The following AUTS2 variants were observed in gnomAD, a reference collection of about 807,000 sequenced individuals.
The protein encoded by AUTS2 is activator of transcription and developmental regulator AUTS2.
Under a neutral mutation model 112.4 loss-of-function variants are expected in AUTS2, and 17 were observed. The ratio of observed to expected loss-of-function variants is 0.15; its 90% CI spans 0.10 to 0.23. AUTS2 has a LOEUF of 0.23. Ranked by LOEUF, AUTS2 falls within the 10% of genes least tolerant of loss-of-function variation. The pLI, the probability that AUTS2 is intolerant of heterozygous loss-of-function variation, is 1.00. For missense variants in AUTS2, 1,510 were observed against 1,701.6 expected, an observed-to-expected ratio of 0.89 and a Z score of 1.98; for synonymous variants, 751 against 702.7, an observed-to-expected ratio of 1.07 and a Z score of -1.09.
intron 4 of AUTS2, among the ~76,000 whole-genome samples, chr7:70,348,660 A>T (rs1471595890): frequency 3.3e-5 from 5 of 152,046 alleles, no homozygotes; most frequent in Non-Finnish European, 1.5e-5. Flanking sequence ...AAAAAAAAAA[A>T]TTAGCCAGGC....
At chr7:69,959,208 C>A (rs1303289106) in intron 2 of AUTS2, among the ~76,000 whole-genome samples, 1 of 152,002 alleles carries the variant, frequency 6.6e-6, no homozygotes, top group African/African-American at 2.4e-5. Context: ...TTTCAAAACT[C>A]TCGTATTGTT....
intron 1 of AUTS2, among the ~76,000 whole-genome samples, chr7:69,636,269 C>T (rs927208975): frequency 1.3e-5 from 2 of 152,362 alleles, no homozygotes; most frequent in African/African-American, 2.4e-5. Context: ...CTCAATCTGT[C>T]GCCCAGGCTG....
intron 5 of AUTS2, among the ~76,000 whole-genome samples, chr7:70,541,144 C>G (rs1375898805): frequency 6.6e-6 from 1 of 152,310 alleles, no homozygotes; most frequent in Admixed American, 6.5e-5. Flanking sequence ...AGCTTTCCTT[C>G]TCTAGGCCTG....
chr7:69,616,781 G>A (rs535774709), intron 1 of AUTS2, among the ~76,000 whole-genome samples: 22 of 152,248 alleles, frequency 1.4e-4, no homozygotes, highest in South Asian at 1.0e-3. Context: ...CTCAGGGTAC[G>A]CTGAGTCATT....
intron 1 of AUTS2, among the ~76,000 whole-genome samples, chr7:69,866,842 C>T (rs1480976608): frequency 6.6e-6 from 1 of 152,204 alleles, no homozygotes; most frequent in African/African-American, 2.4e-5. Flanking sequence ...GTGGTTTGCC[C>T]AGCAACACCT....
At chr7:69,742,655 T>C (rs1787318125) in intron 1 of AUTS2, among the ~76,000 whole-genome samples, 1 of 152,216 alleles carries the variant, frequency 6.6e-6, no homozygotes, top group Non-Finnish European at 1.5e-5. Flanking sequence ...GTTCTATCAC[T>C]CGCTAGTTGT....
intron 2 of AUTS2, among the ~76,000 whole-genome samples, chr7:69,978,057 A>G (rs1253104990): frequency 6.6e-6 from 1 of 152,188 alleles, no homozygotes; most frequent in Non-Finnish European, 1.5e-5. Flanking sequence ...CAGTGGTTAA[A>G]TAACATAATG....
At chr7:70,118,025 G>C in intron 2 of AUTS2, 107 bp from the exon 3 acceptor site, 1 of 1,347,582 alleles carries the variant, frequency 7.4e-7, no homozygotes, top group Non-Finnish European at 9.7e-7. Context: ...TGGGATTACA[G>C]GCGTGAGCCA....
At chr7:70,707,480 A>G (rs1454783676) in intron 6 of AUTS2, among the ~76,000 whole-genome samples, 1 of 152,116 alleles carries the variant, frequency 6.6e-6, no homozygotes, top group Non-Finnish European at 1.5e-5. Flanking sequence ...AGAAAGGAGG[A>G]GGATCTCTGT....
At chr7:70,532,948 C>T (rs11971835) in intron 5 of AUTS2, among the ~76,000 whole-genome samples, 1 of 152,142 alleles carries the variant, frequency 6.6e-6, no homozygotes, top group South Asian at 2.1e-4. Flanking sequence ...TTTGCTTCCA[C>T]TCCTGAAAGG....
At chr7:70,320,128 T>C (rs1790184269) in intron 4 of AUTS2, among the ~76,000 whole-genome samples, 2 of 152,228 alleles carry the variant, frequency 1.3e-5, no homozygotes, top group Admixed American at 6.5e-5. Flanking sequence ...TTAAGAACTA[T>C]AATATATGCA....
At chr7:70,714,672 G>A (rs1439776523) in intron 6 of AUTS2, among the ~76,000 whole-genome samples, 1 of 152,208 alleles carries the variant, frequency 6.6e-6, no homozygotes, top group Non-Finnish European at 1.5e-5. Flanking sequence ...CAGGTCAGCT[G>A]TCCTGAAGAC....
chr7:70,788,994 C>T (rs535067456), intron 18 of AUTS2, among the ~76,000 whole-genome samples: 63 of 152,370 alleles, frequency 4.1e-4, no homozygotes, highest in African/African-American at 1.5e-3. Flanking sequence ...TTTTCACTCA[C>T]AGCTGCTCTC....
intron 4 of AUTS2, among the ~76,000 whole-genome samples, chr7:70,310,711 CTTAG>C (rs903813540): frequency 2.6e-5 from 4 of 152,154 alleles, no homozygotes; most frequent in African/African-American, 9.6e-5. Context: ...TGACTTCTCC[CTTAG>C]TTCTCAGTCT....
At chr7:69,799,934 G>A (rs1790010720) in intron 1 of AUTS2, among the ~76,000 whole-genome samples, 1 of 151,922 alleles carries the variant, frequency 6.6e-6, no homozygotes, top group African/African-American at 2.4e-5. Flanking sequence ...CCCTATAAAT[G>A]ACATTATTTT....
In AUTS2 at chr7:70,715,677, G is replaced by A. The variant is rs148030683; in HGVS notation, c.742+17057G>A. 5.3e-3 allele frequency among the ~76,000 whole-genome samples: 813 copies of A among 152,016 alleles called. 8 individuals carry two copies. Among genetic ancestry groups the A allele is most frequent in the African/African-American group, 0.018 (753 of 41,446 alleles). ...CTCCCAAGTAGCTGGGATTACAGGC[G>A]CATGCCACCACACCCAGCTAATTTT... On this transcript the variant is annotated intron_variant, in intron 6 of 18. Transcript: ENST00000342771.
At chr7:69,896,754 A>C (rs926419328) in intron 1 of AUTS2, among the ~76,000 whole-genome samples, 1 of 152,184 alleles carries the variant, frequency 6.6e-6, no homozygotes, top group African/African-American at 2.4e-5. Flanking sequence ...GATTACTGAG[A>C]TGAACTACTT....
At chr7:69,937,721 C>T (rs1299989141) in intron 2 of AUTS2, among the ~76,000 whole-genome samples, 2 of 152,154 alleles carry the variant, frequency 1.3e-5, no homozygotes, top group Non-Finnish European at 2.9e-5. Context: ...AATGTTTCCC[C>T]TCAGGAAATG....
chr7:70,644,214 A>G lies in AUTS2; in HGVS notation c.691-54355A>G, dbSNP rs182471066. On this transcript the variant is annotated intron_variant, in intron 5 of 18. Transcript: ENST00000342771. ...TTGTGGAGGGAACAAACAAAGAATA[A>G]ATTCATCTATAATGTGATGTGTAAG... Among the ~76,000 whole-genome samples the G allele has an allele frequency of 8.3e-4, 126 of 152,248 alleles. 1 individual carries two copies. Among genetic ancestry groups the G allele is most frequent in the Admixed American group, 1.4e-3 (22 of 15,294 alleles).
Sources: gnomAD v4.1 joint callset for allele counts (sites outside exome capture counted in the v4.1 genomes callset) on GRCh38, gnomAD v4.1.1 for gene constraint, MANE v1.5 for transcripts, NCBI Gene and HGNC (gene_info 2026-07-23, HGNC 2026-07-21) for gene names.